Variants in BTBD1 observed in about 807,000 individuals in gnomAD.
BTBD1 encodes the protein BTB/POZ domain-containing protein 1.
Under a neutral mutation model 48.0 loss-of-function variants are expected in BTBD1, and 34 were observed. That is an observed-to-expected ratio of 0.71 (90% CI 0.54 to 0.94). The LOEUF (loss-of-function observed/expected upper bound fraction) is 0.94, where lower values mean the gene tolerates loss of function less well. Ranked by LOEUF, BTBD1 falls within the 40% of genes least tolerant of loss-of-function variation. BTBD1 has a pLI of 0.00. For missense variants in BTBD1, 543 were observed against 625.6 expected, an observed-to-expected ratio of 0.87 and a Z score of 1.41; for synonymous variants, 261 against 242.1, an observed-to-expected ratio of 1.08 and a Z score of -0.72.
At chr15:83,063,898 T>C (rs146246490) in intron 1 of BTBD1, among the ~76,000 whole-genome samples, 6 of 152,360 alleles carry the variant, frequency 3.9e-5, no homozygotes, top group East Asian at 1.9e-4. Flanking sequence ...TCATCAGTAC[T>C]TGACATTGTA....
chr15:83,021,388 T>C (rs1201383076), intron 5 of BTBD1, among the ~76,000 whole-genome samples: 1 of 152,216 alleles, frequency 6.6e-6, no homozygotes, highest in East Asian at 1.9e-4. Flanking sequence ...AAGTCCAGTT[T>C]GGTCATAATA....
At chr15:83,048,906 T>C (rs1378366031) in intron 3 of BTBD1, among the ~76,000 whole-genome samples, 1 of 152,174 alleles carries the variant, frequency 6.6e-6, no homozygotes, top group Non-Finnish European at 1.5e-5. Context: ...TGAGTGACAG[T>C]GGTCATAGTG....
Position 83,030,214 on chromosome 15 carries a change from C to G in BTBD1, c.977G>C (p.Arg326Thr). 1 of 1,614,058 alleles carries G rather than the reference C, an allele frequency of 6.2e-7. No individual in the cohort carries two copies. Among genetic ancestry groups the G allele is most frequent in the East Asian group, 2.2e-5 (1 of 44,866 alleles). ...EYIDRPRCCL[R>T]GKECCINRFQ... ...TCTATTGATGCAGCATTCCTTTCCC[C>G]TGAGACAGCATCTTGGTCGGTCAAT... The change falls in exon 5 of 8, where the codon AGG (arginine) becomes ACG (threonine). Residue 326 changes from arginine (R) to threonine (T), a missense_variant. By Grantham distance (71) the Arg-to-Thr change is moderately conservative. Coordinates refer to ENST00000261721, the MANE Select transcript of BTBD1 (RefSeq NM_025238.4).
chr15:83,044,620 T>C, intron 3 of BTBD1: 1 of 1,573,446 alleles, frequency 6.4e-7, no homozygotes, highest in Non-Finnish European at 8.7e-7. Flanking sequence ...ACTCAGACTG[T>C]GTGCAGCTTT....
At chr15:83,053,203 C>T (rs1302088547) in intron 2 of BTBD1, among the ~76,000 whole-genome samples, 1 of 152,084 alleles carries the variant, frequency 6.6e-6, no homozygotes, top group Non-Finnish European at 1.5e-5. Flanking sequence ...CTCTATAAAT[C>T]ATGCTGGTAC....
intron 4 of BTBD1, among the ~76,000 whole-genome samples, chr15:83,040,407 T>TA (rs1358553333): frequency 1.3e-5 from 2 of 152,132 alleles, no homozygotes; most frequent in African/African-American, 4.8e-5. Context: ...AATTATTTTT[T>TA]AAAAAATCAT....
At chr15:83,024,775 A>C (rs2032371147) in intron 5 of BTBD1, among the ~76,000 whole-genome samples, 1 of 151,864 alleles carries the variant, frequency 6.6e-6, no homozygotes, top group East Asian at 1.9e-4. Flanking sequence ...GAATTTTTGA[A>C]TTTTTTTGTA....
chr15:83,057,985 G>C lies in BTBD1; in HGVS notation c.402-1440C>G, dbSNP rs376624780. ...GCCATTGGAAGAGAGCTTAACCCTG[G>C]GGTCCCAAAGCCATACCCAGCAGTC... is the stretch of plus-strand genomic sequence containing the variant. On this transcript the variant is annotated intron_variant, in intron 1 of 7. Coordinates refer to ENST00000261721, the MANE Select transcript of BTBD1 (RefSeq NM_025238.4). 4.6e-5 allele frequency among the ~76,000 whole-genome samples: 7 copies of C among 152,196 alleles called. No individual in the cohort carries two copies. In the East Asian group the frequency reaches 1.2e-3, roughly 25 times the overall value.
intron 4 of BTBD1, among the ~76,000 whole-genome samples, chr15:83,038,490 A>G (rs1386166624): frequency 1.3e-5 from 2 of 152,198 alleles, no homozygotes; most frequent in Non-Finnish European, 2.9e-5. Flanking sequence ...CAATCTACAG[A>G]TTTAATGCTA....
intron 4 of BTBD1, among the ~76,000 whole-genome samples, chr15:83,034,465 T>C (rs1039830885): frequency 2.0e-5 from 3 of 152,024 alleles, no homozygotes; most frequent in African/African-American, 7.2e-5. Flanking sequence ...AATACAAAAT[T>C]TAGCAGGGTG....
chr15:83,033,750 A>T (rs1331529907), intron 4 of BTBD1, among the ~76,000 whole-genome samples: 2 of 151,890 alleles, frequency 1.3e-5, no homozygotes, highest in African/African-American at 4.8e-5. Flanking sequence ...GCTAATTTTT[A>T]AATTTTTTTT....
At position 83,018,125 on chromosome 15, in the gene BTBD1, T is replaced by C. The variant is rs1462851935; in HGVS notation, c.1391A>G (p.Asn464Ser). ...TVFFFFSSPG[N>S]NNGTSIEDGQ... ...ATCTTCTATTGAAGTGCCATTATTA[T>C]TGCCAGGGGAACTAAAAAAGAAAAA... is the stretch of plus-strand genomic sequence containing the variant. Residue 464 changes from asparagine (N) to serine (S), a missense_variant, in exon 8 of 8, where the codon AAT becomes AGT. Coordinates refer to ENST00000261721, the MANE Select transcript of BTBD1 (RefSeq NM_025238.4). 3 of 1,611,718 alleles carry C rather than the reference T, an allele frequency of 1.9e-6. No individual in the cohort carries two copies. Among genetic ancestry groups the C allele is most frequent in the Non-Finnish European group, 2.5e-6 (3 of 1,178,670 alleles).
chr15:83,018,074 TA>T lies in BTBD1; in HGVS notation c.1441del (p.Tyr481IlefsTer7). The T allele has an allele frequency of 6.2e-7, 1 of 1,602,034 alleles. No individual in the cohort carries two copies. Among genetic ancestry groups the T allele is most frequent in the Admixed American group, 1.7e-5 (1 of 58,986 alleles). On this transcript the variant is annotated frameshift_variant, in exon 8 of 8. Transcript: ENST00000261721. LOFTEE classifies it high-confidence loss of function. ...EDGQIPEIIF[Y>X]T ...ATGTATTATAATGCTAAATTATGTATAAAATATGATTTCTGGAATTTGTCCA... is the reference window on the plus strand; with the variant it reads ...ATGTATTATAATGCTAAATTATGTATAAATATGATTTCTGGAATTTGTCCA...
intron 1 of BTBD1, among the ~76,000 whole-genome samples, chr15:83,058,507 G>A (rs1295517367): frequency 1.3e-5 from 2 of 152,144 alleles, no homozygotes; most frequent in African/African-American, 4.8e-5. Context: ...TATCTGGGAG[G>A]TTGAGGCAGG....
intron 1 of BTBD1, among the ~76,000 whole-genome samples, chr15:83,058,543 A>G (rs2033124801): frequency 2.0e-5 from 3 of 152,186 alleles, no homozygotes; most frequent in Middle Eastern, 6.8e-3. Context: ...TGGGAGGTGG[A>G]GGCTGCAGGG....
intron 3 of BTBD1, among the ~76,000 whole-genome samples, chr15:83,046,225 G>T (rs910333545): frequency 6.6e-6 from 1 of 151,750 alleles, no homozygotes; most frequent in African/African-American, 2.4e-5. Flanking sequence ...GCGAAACCCC[G>T]TCTCTACCAA....
Position 83,053,157 on chromosome 15 carries a change from T to C in BTBD1, c.559-2979A>G, listed in dbSNP as rs900658861. On this transcript the variant is annotated intron_variant, in intron 2 of 7. Coordinates refer to ENST00000261721, the MANE Select transcript of BTBD1 (RefSeq NM_025238.4). ...CTCAAAACGGACTTTGACTTTGGCA[T>C]TCTCTTTGATAACACTTCATAAAAA... Among the ~76,000 whole-genome samples the C allele has an allele frequency of 2.0e-5, 3 of 152,188 alleles. No homozygotes were observed. The South Asian group carries it at 6.2e-4, about 31-fold the overall frequency.
At position 83,060,423 on chromosome 15, in the gene BTBD1, C is replaced by A. The variant is rs1245284066; in HGVS notation, c.402-3878G>T. ...GCACAGAAAAATTATTACATGTCCT[C>A]AAATTAGTCCTATTTTCCCCCCAAA... On this transcript the variant is annotated intron_variant, in intron 1 of 7. Coordinates refer to ENST00000261721, the MANE Select transcript of BTBD1 (RefSeq NM_025238.4). 2.9e-5 allele frequency among the ~76,000 whole-genome samples: 4 copies of A among 138,530 alleles called. No individual in the cohort carries two copies. In the East Asian group the frequency reaches 6.6e-4, roughly 23 times the overall value. 90.9% of individuals were successfully genotyped at this position (138,530 alleles called of 152,430 possible).
chr15:83,023,405 G>T (rs2032338704), intron 5 of BTBD1, among the ~76,000 whole-genome samples: 1 of 151,898 alleles, frequency 6.6e-6, no homozygotes, highest in African/African-American at 2.4e-5. Flanking sequence ...ATTTAGACAG[G>T]GTCTTGCTCT....
Sources: gnomAD v4.1 joint callset for allele counts (sites outside exome capture counted in the v4.1 genomes callset) on GRCh38, gnomAD v4.1.1 for gene constraint, MANE v1.5 for transcripts, NCBI Gene and HGNC (gene_info 2026-07-23, HGNC 2026-07-21) for gene names.